The following ZNF638 variants were observed in gnomAD, a reference collection of about 807,000 sequenced individuals.
The protein encoded by ZNF638 is zinc finger protein 638, also known as CTCL tumor antigen se33-1.
Under a neutral mutation model 195.6 loss-of-function variants are expected in ZNF638, and 46 were observed. The ratio of observed to expected loss-of-function variants is 0.24; its 90% CI spans 0.19 to 0.30. The LOEUF (loss-of-function observed/expected upper bound fraction) is 0.30. Among genes scored for constraint, ZNF638 ranks in the 10% least tolerant of loss-of-function variants. The pLI is 1.00. For synonymous variants in ZNF638, 845 were observed against 772.0 expected (o/e 1.09, Z -1.57); for missense variants, 2,440 against 2,325.3 (o/e 1.05, Z -1.01).
chr2:71,352,667 G>A (rs892795992), intron 2 of ZNF638, among the ~76,000 whole-genome samples: 2 of 152,022 alleles, frequency 1.3e-5, no homozygotes, highest in Non-Finnish European at 2.9e-5. Context: ...TTAGACTTGA[G>A]GTGAGAGGCA....
At chr2:71,335,712 A>G (rs1430984314) in intron 1 of ZNF638, among the ~76,000 whole-genome samples, 2 of 152,234 alleles carry the variant, frequency 1.3e-5, no homozygotes, top group Non-Finnish European at 2.9e-5. Flanking sequence ...TATCAGTTCA[A>G]TATATAGTTC....
At position 71,400,086 on chromosome 2, in the gene ZNF638, C is replaced by T. The variant is rs576715205; in HGVS notation, c.2588-26C>T. 1,069 of 1,563,596 alleles carry T rather than the reference C, an allele frequency of 6.8e-4. 16 individuals are homozygous for T. In the South Asian group the frequency reaches 0.012, roughly 17 times the overall value. ...TTAATTATATTAGTGTTTTACTAGA[C>T]TATTAAAGCAGACTATTTCATGCAG... On this transcript the variant is annotated intron_variant, in intron 13 of 27. Coordinates refer to ENST00000264447, the MANE Select transcript of ZNF638 (RefSeq NM_014497.5).
At chr2:71,378,687 C>G (rs934613313) in intron 8 of ZNF638, among the ~76,000 whole-genome samples, 1 of 152,098 alleles carries the variant, frequency 6.6e-6, no homozygotes, top group African/African-American at 2.4e-5. Context: ...AATAGAAGTA[C>G]TCTTGTTGGG....
intron 7 of ZNF638, 71 bp downstream of exon 7, chr2:71,368,599 T>C (rs1023594718): frequency 1.6e-5 from 25 of 1,536,364 alleles, no homozygotes; most frequent in Non-Finnish European, 8.9e-7. Flanking sequence ...ATTGCTGTTG[T>C]GTTCCTTAGC....
chr2:71,407,776 T>TG (rs1468773404), intron 19 of ZNF638: 30 of 160,658 alleles, frequency 1.9e-4, no homozygotes, highest in Non-Finnish European at 2.3e-4. Flanking sequence ...GAATTATATT[T>TG]GCTTTTTTGT....
At chr2:71,365,208 A>G (rs762343566) in intron 5 of ZNF638, among the ~76,000 whole-genome samples, 13 of 152,324 alleles carry the variant, frequency 8.5e-5, no homozygotes, top group Non-Finnish European at 1.3e-4. Context: ...TGTAGTCTTC[A>G]ATAAGTGTAA....
intron 10 of ZNF638, among the ~76,000 whole-genome samples, chr2:71,382,966 A>C (rs1368366813): frequency 1.3e-5 from 2 of 152,210 alleles, no homozygotes; most frequent in African/African-American, 4.8e-5. Context: ...TTTATGCTGG[A>C]CACATGGGCA....
chr2:71,340,069 G>T (rs1343552708), intron 1 of ZNF638, among the ~76,000 whole-genome samples: 2 of 152,140 alleles, frequency 1.3e-5, no homozygotes, highest in Non-Finnish European at 2.9e-5. Flanking sequence ...TGGTTCTCAT[G>T]GAGATCTCTT....
Position 71,427,196 on chromosome 2 carries a change from CTGTTGATGAAGT to C in ZNF638, c.5330_5341del (p.Val1777_Val1780del). 1 of 1,611,774 alleles carries C rather than the reference CTGTTGATGAAGT, an allele frequency of 6.2e-7. No individual in the cohort carries two copies. Among genetic ancestry groups the C allele is most frequent in the Non-Finnish European group, 8.5e-7 (1 of 1,179,286 alleles). On this transcript the variant is annotated inframe_deletion, in exon 24 of 28. Coordinates refer to ENST00000264447, the MANE Select transcript of ZNF638 (RefSeq NM_014497.5). ...CTTAAAGAAGAGCTTAATTTTGTTA[CTGTTGATGAAGT>C]TGGAGAGGAGGAAGATGGAGATAAT... is the stretch of plus-strand genomic sequence containing the variant.
In ZNF638 at chr2:71,349,460, A is replaced by G. The variant is rs889837012; in HGVS notation, c.506A>G (p.Asn169Ser). Residue 169 changes from asparagine to serine, a missense_variant, in exon 2 of 28, where the codon AAT (asparagine) becomes AGT (serine). Asn to Ser is a conservative substitution (Grantham distance 46). Coordinates refer to ENST00000264447, the MANE Select transcript of ZNF638 (RefSeq NM_014497.5). ...CCTGATGAACAACTAACTCCTGAAAATATGCCATTAATTTTGAGGGATATA... is the reference window on the plus strand; with the variant it reads ...CCTGATGAACAACTAACTCCTGAAAGTATGCCATTAATTTTGAGGGATATA... Reference protein sequence around the residue: ...RYPDEQLTPENMPLILRDIRM... With the variant: ...RYPDEQLTPESMPLILRDIRM... 14 of 1,614,160 alleles carry G rather than the reference A, an allele frequency of 8.7e-6. No homozygotes were observed. The highest frequency in any genetic ancestry group is 1.2e-5 in the Non-Finnish European group (14 of 1,180,032).
At chr2:71,356,140 C>G (rs2079019026) in intron 3 of ZNF638, among the ~76,000 whole-genome samples, 1 of 152,162 alleles carries the variant, frequency 6.6e-6, no homozygotes, top group South Asian at 2.1e-4. Context: ...TCAGTGCAAA[C>G]CAAACACCAG....
chr2:71,409,274 C>G (rs1278991806), intron 20 of ZNF638, among the ~76,000 whole-genome samples: 2 of 152,142 alleles, frequency 1.3e-5, no homozygotes, highest in African/African-American at 4.8e-5. Flanking sequence ...TTTTAATTGA[C>G]TACTATTTAA....
chr2:71,407,028 A>C (rs1405260283), intron 19 of ZNF638, among the ~76,000 whole-genome samples: 1 of 152,188 alleles, frequency 6.6e-6, no homozygotes, highest in Non-Finnish European at 1.5e-5. Context: ...CCTTACTTTC[A>C]TGATTTGGCC....
At chr2:71,346,885 A>G (rs555986778) in intron 1 of ZNF638, among the ~76,000 whole-genome samples, 1 of 152,192 alleles carries the variant, frequency 6.6e-6, no homozygotes, top group East Asian at 1.9e-4. Flanking sequence ...GCCAGGTAGC[A>G]TGGTGGCACA....
At position 71,349,038 on chromosome 2, in the gene ZNF638, A is replaced by G. The variant is rs2078899781; in HGVS notation, c.84A>G (p.Pro28=). Residue 28 remains proline, a synonymous_variant, in exon 2 of 28, where the codon CCA becomes CCG. Transcript: ENST00000264447. The stretch of plus-strand genomic sequence containing the variant: ...CTAACCCTTCTGGGATGAGGCCTCC[A>G]GGACCATTTATGAGGCCTGGATCTA... ...RAPNPSGMRP[P]GPFMRPGSMG... 4 of 1,614,216 alleles carry G rather than the reference A, an allele frequency of 2.5e-6. No homozygotes were observed. The highest frequency in any genetic ancestry group is 1.6e-4 in the Middle Eastern group (1 of 6,062).
At chr2:71,380,594 A>G (rs765638714) in intron 10 of ZNF638, 29 bp downstream of exon 10, 11 of 1,560,034 alleles carry the variant, frequency 7.1e-6, no homozygotes, top group Non-Finnish European at 9.6e-6. Context: ...TATTCTTTCA[A>G]ATGAGTGTAT....
At chr2:71,409,012 T>C (rs943246320) in intron 20 of ZNF638, among the ~76,000 whole-genome samples, 15 of 152,300 alleles carry the variant, frequency 9.8e-5, no homozygotes, top group Non-Finnish European at 1.6e-4. Flanking sequence ...CATGCATTTT[T>C]AAAAAGTTGT....
intron 18 of ZNF638, 134 bp from the exon 19 acceptor site, chr2:71,405,994 C>G: frequency 1.0e-6 from 1 of 977,700 alleles, no homozygotes; most frequent in Middle Eastern, 3.0e-4. Context: ...CACTGTCTTC[C>G]CCCATGTAGT....
In ZNF638 at chr2:71,423,971, T is replaced by A. The variant is rs757491003; in HGVS notation, c.4457T>A (p.Ile1486Lys). The change falls in exon 22 of 28, where the codon ATA becomes AAA. Residue 1486 changes from isoleucine (I) to lysine (K), a missense_variant. Around this residue, in one of 5 missense-constraint regions of ZNF638, gnomAD observed 1,883 missense variants for 1,739.1 expected, o/e 1.08. Transcript: ENST00000264447. ...CTTTCTAAACTGGATTACAGAGATA[T>A]AACAAAACAATCTCAGGAAACAGAG... ...GKLSKLDYRD[I>K]TKQSQETEAR... 1.9e-6 allele frequency: 3 copies of A among 1,614,024 alleles called. No homozygotes were observed. The highest frequency in any genetic ancestry group is 2.2e-5 in the East Asian group (1 of 44,864).
Sources: gnomAD v4.1 joint callset for allele counts (sites outside exome capture counted in the v4.1 genomes callset) on GRCh38, gnomAD v4.1.1 for gene constraint, gnomAD v4.1.1 regional missense constraint, MANE v1.5 for transcripts, NCBI Gene and HGNC (gene_info 2026-07-23, HGNC 2026-07-21) for gene names.